The following HECW1 variants were observed in gnomAD, a reference collection of about 807,000 sequenced individuals.
HECW1 encodes the protein HECT, C2 and WW domain containing E3 ubiquitin protein ligase 1, also known as E3 ubiquitin-protein ligase HECW1.
A neutral mutation model predicts 182.3 loss-of-function variants in HECW1; 61 were observed. The observed-to-expected ratio is 0.33, with a 90% CI of 0.27 to 0.41. The LOEUF (loss-of-function observed/expected upper bound fraction) is 0.41. Ranked by LOEUF, HECW1 falls within the 10% of genes least tolerant of loss-of-function variation. HECW1 has a pLI of 1.00. For synonymous variants in HECW1, 859 were observed against 832.6 expected, an observed-to-expected ratio of 1.03 and a Z score of -0.55; for missense variants, 1,739 against 2,108.9, an observed-to-expected ratio of 0.82 and a Z score of 3.44.
intron 3 of HECW1, chr7:43,274,701 A>G: frequency 3.9e-6 from 1 of 258,614 alleles, no homozygotes; most frequent in Non-Finnish European, 7.6e-6. Context: ...TTACAAAAAT[A>G]GACACGAACT....
At chr7:43,172,704 C>T (rs543063657) in intron 2 of HECW1, among the ~76,000 whole-genome samples, 43 of 152,250 alleles carry the variant, frequency 2.8e-4, no homozygotes, top group Non-Finnish European at 4.7e-4. Context: ...TGGCACAGAT[C>T]CCTAAAGGGA....
Position 43,172,105 on chromosome 7 carries a change from C to A in HECW1, c.-32+57714C>A, listed in dbSNP as rs542778115. 3.6e-4 allele frequency among the ~76,000 whole-genome samples: 52 copies of A among 143,276 alleles called. 1 individual carries two copies. In the South Asian group the frequency reaches 0.01, roughly 28 times the overall value. The allele number at this position is 143,276 out of a possible 152,430, so 94.0% of individuals were successfully genotyped here. ...CCAGCCTGGCCAACGTGATAAGACT[C>A]TGTCTCTACTAAAAATACAAAAAAA... On this transcript the variant is annotated intron_variant, in intron 2 of 29. Coordinates refer to ENST00000395891, the MANE Select transcript of HECW1 (RefSeq NM_015052.5).
At chr7:43,355,646 CT>C (rs1354255542) in intron 5 of HECW1, among the ~76,000 whole-genome samples, 1 of 151,968 alleles carries the variant, frequency 6.6e-6, no homozygotes, top group Non-Finnish European at 1.5e-5. Flanking sequence ...GAGAAAATAA[CT>C]TAACCACAAA....
chr7:43,481,962 G>A (rs1295504576), intron 17 of HECW1, among the ~76,000 whole-genome samples: 2 of 140,712 alleles, frequency 1.4e-5, no homozygotes, highest in East Asian at 2.0e-4. Flanking sequence ...GCGACACAGC[G>A]AGACTCCATC....
intron 2 of HECW1, among the ~76,000 whole-genome samples, chr7:43,180,824 A>T (rs1792779896): frequency 6.6e-6 from 1 of 152,204 alleles, no homozygotes; most frequent in East Asian, 1.9e-4. Context: ...CACCTCAAAC[A>T]TATATAATTT....
intron 2 of HECW1, among the ~76,000 whole-genome samples, chr7:43,173,194 C>T (rs892386950): frequency 6.6e-6 from 1 of 152,156 alleles, no homozygotes; most frequent in Non-Finnish European, 1.5e-5. Flanking sequence ...CCATTCTAGT[C>T]ACATCTGAGT....
At chr7:43,225,065 A>T (rs922354095) in intron 2 of HECW1, among the ~76,000 whole-genome samples, 4 of 152,160 alleles carry the variant, frequency 2.6e-5, no homozygotes, top group African/African-American at 9.7e-5. Context: ...TCCTGTAGCA[A>T]AGGTGTGGGG....
intron 15 of HECW1, 89 bp from the exon 16 acceptor site, chr7:43,468,831 C>A (rs753029973): frequency 2.1e-4 from 241 of 1,142,058 alleles, no homozygotes; most frequent in Non-Finnish European, 2.9e-4. Context: ...CACAATCACA[C>A]TTAGCAGTGT....
In HECW1 at chr7:43,562,717, C is replaced by A. The variant is rs1585315697; in HGVS notation, c.*791C>A. 1 of 222,110 alleles carries A rather than the reference C, an allele frequency of 4.5e-6. No individual in the cohort carries two copies. Among genetic ancestry groups the A allele is most frequent in the East Asian group, 6.6e-5 (1 of 15,202 alleles). The allele number at this position is 222,110 out of a possible 1,614,324, so 13.8% of individuals were successfully genotyped here. On this transcript the variant is annotated 3_prime_UTR_variant, in exon 30 of 30. Transcript: ENST00000395891. The stretch of plus-strand genomic sequence containing the variant: ...ACCACAAGAAGGACAAACTTGTGCA[C>A]ATGTCCAAGAAAGAAAGCTTCTTGA...
chr7:43,359,123 G>T (rs369064827), intron 5 of HECW1, among the ~76,000 whole-genome samples: 1 of 152,162 alleles, frequency 6.6e-6, no homozygotes, highest in Non-Finnish European at 1.5e-5. Context: ...ACCGTGCCCG[G>T]CCCATATCTT....
rs1311690998 is a variant in HECW1 at position 43,308,140 on chromosome 7, TTATATTA to T, written c.28-3609_28-3603del. Among the ~76,000 whole-genome samples the T allele has an allele frequency of 2.5e-3, 266 of 104,852 alleles. 2 individuals are homozygous for T. The highest frequency in any genetic ancestry group is 0.01 in the African/African-American group (252 of 24,994). The allele number at this position is 104,852 out of a possible 152,430, so 68.8% of individuals were successfully genotyped here. A position where few individuals can be genotyped will look rare whatever the true frequency, so the allele number is the denominator to read the frequency against. On this transcript the variant is annotated intron_variant, in intron 3 of 29. Transcript: ENST00000395891. The stretch of plus-strand genomic sequence containing the variant: ...ATATAATATATTTATATATAATATA[TTATATTA>T]TATATTATATATTTATATATAATAT...
At chr7:43,346,534 T>C (rs1042458533) in intron 5 of HECW1, among the ~76,000 whole-genome samples, 2 of 152,220 alleles carry the variant, frequency 1.3e-5, no homozygotes, top group Non-Finnish European at 2.9e-5. Flanking sequence ...TTATTGCATT[T>C]GCTTTTGGGT....
At position 43,444,299 on chromosome 7, in the gene HECW1, G is replaced by T. The variant is rs1405236851; in HGVS notation, c.1127G>T (p.Gly376Val). The T allele has an allele frequency of 1.9e-6, 3 of 1,614,202 alleles. No individual in the cohort carries two copies. Among genetic ancestry groups the T allele is most frequent in the Non-Finnish European group, 1.7e-6 (2 of 1,180,028 alleles). The change falls in exon 11 of 30, where the codon GGC becomes GTC. Residue 376 changes from glycine (G) to valine (V), a missense_variant. Physicochemically the swap from Gly to Val is moderately radical, Grantham distance 109. This residue lies in a region of HECW1 where 971 missense variants were observed against 1,029.1 expected (regional missense o/e 0.94). Coordinates refer to ENST00000395891, the MANE Select transcript of HECW1 (RefSeq NM_015052.5). This position sits in a 1 kb window ranked among gnomAD's most constrained non-coding sequence, Gnocchi z 4.3. ...DSPMNNLMESGSGEPRSEAPE... is the reference protein window; with the variant it reads ...DSPMNNLMESVSGEPRSEAPE... ...CCCATGAACAACCTGATGGAAAGCG[G>T]CAGTGGGGAACCTCGGTCTGAGGCA...
At position 43,160,708 on chromosome 7, in the gene HECW1, C is replaced by CT. The variant is rs755560219; in HGVS notation, c.-32+46324dup. On this transcript the variant is annotated intron_variant, in intron 2 of 29. Coordinates refer to ENST00000395891, the MANE Select transcript of HECW1 (RefSeq NM_015052.5). ...ACTTTTAATTCATCTCATTAATTTT[C>CT]TTTTTTTCAAAATTTCTTTAGCAAT... 1.1e-4 allele frequency among the ~76,000 whole-genome samples: 16 copies of CT among 152,050 alleles called. No homozygotes were observed. The South Asian group carries it at 2.3e-3, about 22-fold the overall frequency.
intron 2 of HECW1, among the ~76,000 whole-genome samples, chr7:43,141,383 T>C (rs931287968): frequency 1.1e-3 from 162 of 152,252 alleles, no homozygotes; most frequent in African/African-American, 3.5e-3. Flanking sequence ...AGAGAACTGC[T>C]GCACCTGGGG....
intron 3 of HECW1, among the ~76,000 whole-genome samples, chr7:43,284,362 G>A (rs187818329): frequency 1.3e-5 from 2 of 151,984 alleles, no homozygotes; most frequent in Admixed American, 1.3e-4. Flanking sequence ...TGTGGCGAGA[G>A]CACTTAAAAT....
At chr7:43,501,357 T>A in intron 21 of HECW1, 35 bp downstream of exon 21, 1 of 1,179,416 alleles carries the variant, frequency 8.5e-7, no homozygotes, top group Non-Finnish European at 1.3e-6. Context: ...TCCTGTTAAG[T>A]GGCCACGTGT....
At chr7:43,439,308 A>G (rs990916495) in intron 9 of HECW1, 1 of 152,156 alleles carries the variant, frequency 6.6e-6, no homozygotes, top group Admixed American at 6.5e-5. Context: ...CAAAAGGATC[A>G]ATAATTATGT....
At chr7:43,477,690 G>A (rs1443007870) in intron 16 of HECW1, among the ~76,000 whole-genome samples, 2 of 152,148 alleles carry the variant, frequency 1.3e-5, no homozygotes, top group African/African-American at 4.8e-5. Context: ...GATATTAGTA[G>A]TGTTGTTATT....
Sources: gnomAD v4.1 joint callset for allele counts (sites outside exome capture counted in the v4.1 genomes callset) on GRCh38, gnomAD v4.1.1 for gene constraint, gnomAD v4.1.1 regional missense constraint, Gnocchi (gnomAD v3.1) non-coding constraint, MANE v1.5 for transcripts, NCBI Gene and HGNC (gene_info 2026-07-23, HGNC 2026-07-21) for gene names.